Variants in CACNA1H observed in about 807,000 individuals in gnomAD.
CACNA1H encodes calcium voltage-gated channel subunit alpha1 H, also known as voltage-dependent T-type calcium channel subunit alpha-1H.
A neutral mutation model predicts 192.5 loss-of-function variants in CACNA1H; 149 were observed. The ratio of observed to expected loss-of-function variants is 0.77; its 90% CI spans 0.68 to 0.89. The LOEUF (loss-of-function observed/expected upper bound fraction) is 0.89, where lower values mean the gene tolerates loss of function less well. Ranked by LOEUF, CACNA1H falls within the 40% of genes least tolerant of loss-of-function variation. The pLI, the probability that CACNA1H is intolerant of heterozygous loss-of-function variation, is 0.00. For missense variants in CACNA1H, 4,257 were observed against 3,423.5 expected (o/e 1.24, Z -6.08); for synonymous variants, 2,202 against 1,475.2 (o/e 1.49, Z -11.29).
At position 1,215,609 on chromosome 16, in the gene CACNA1H, G is replaced by A. The variant is rs755895638; in HGVS notation, c.5244+16G>A. ...TCTCCCCCAGGTAGGTGGAGCCCGCGCCATCCTCAGCGCAGGCCCCCGGAA... is the reference window on the plus strand; with the variant it reads ...TCTCCCCCAGGTAGGTGGAGCCCGCACCATCCTCAGCGCAGGCCCCCGGAA... On this transcript the variant is annotated intron_variant, in intron 30 of 34. Transcript: ENST00000348261. 21 of 1,603,876 alleles carry A rather than the reference G, an allele frequency of 1.3e-5. No individual in the cohort carries two copies. The highest frequency in any genetic ancestry group is 2.2e-5 in the East Asian group (1 of 44,534).
rs763914077 is a variant in CACNA1H at position 1,220,510 on chromosome 16, CGGT to C, written c.6581_6583del (p.Val2194del). On this transcript the variant is annotated inframe_deletion, in exon 35 of 35. Transcript: ENST00000348261. The stretch of plus-strand genomic sequence containing the variant: ...AAGAAGATGAGCCCCCCCTGCATCT[CGGT>C]GGAACCCCCTGCGGAGGACGAGGGC... The C allele has an allele frequency of 6.5e-7, 1 of 1,539,940 alleles. No homozygotes were observed. The highest frequency in any genetic ancestry group is 8.7e-7 in the Non-Finnish European group (1 of 1,151,864).
At chr16:1,204,559 A>C in intron 10 of CACNA1H, 101 bp downstream of exon 10, 2 of 912,168 alleles carry the variant, frequency 2.2e-6, no homozygotes, top group East Asian at 2.6e-5. Context: ...ACCTGATGGT[A>C]GGACGGTCAG....
intron 2 of CACNA1H, among the ~76,000 whole-genome samples, chr16:1,193,328 G>T (rs886990122): frequency 3.9e-5 from 6 of 152,264 alleles, no homozygotes; most frequent in African/African-American, 1.4e-4. Flanking sequence ...TCGCTCCCTT[G>T]CACTAGTGCC....
chr16:1,192,203 T>C (rs1175912133), intron 2 of CACNA1H, among the ~76,000 whole-genome samples: 1 of 152,140 alleles, frequency 6.6e-6, no homozygotes, highest in Non-Finnish European at 1.5e-5. Context: ...CCTCCTGGCT[T>C]CCCTCGCTGC....
chr16:1,195,498 C>T lies in CACNA1H; in HGVS notation c.478C>T (p.Leu160=), dbSNP rs746919701. 3.1e-6 allele frequency: 5 copies of T among 1,598,466 alleles called. No homozygotes were observed. The highest frequency in any genetic ancestry group is 3.5e-5 in the Admixed American group (2 of 57,722). Residue 160 remains leucine (L), a synonymous_variant, in exon 4 of 35, where the codon CTG becomes TTG. Transcript: ENST00000348261. ...GGTCATCAAGATGGTGGCCTTGGGG[C>T]TGTTCGGGCAGAAGTGTTACCTGGG... is the stretch of plus-strand genomic sequence containing the variant. ...EMVIKMVALG[L]FGQKCYLGDT... is the part of the protein sequence containing the mutation.
At position 1,206,152 on chromosome 16, in the gene CACNA1H, C is replaced by G; in HGVS notation, c.2652C>G (p.Arg884=). 6.3e-7 allele frequency: 1 copy of G among 1,586,198 alleles called. No individual in the cohort carries two copies. The highest frequency in any genetic ancestry group is 1.3e-5 in the African/African-American group (1 of 74,480). Residue 884 remains arginine (R), a synonymous_variant, in exon 12 of 35, where the codon CGC becomes CGG. Transcript: ENST00000348261. ...GQADGGLSVL[R]TFRLLRVLKL... is the part of the protein sequence containing the mutation. The stretch of plus-strand genomic sequence containing the variant: ...CGGACGGTGGCTTGTCTGTGCTGCG[C>G]ACCTTCCGGCTGCTGCGTGTGCTGA...
At chr16:1,194,838 C>T (rs1001884035) in intron 2 of CACNA1H, 134 bp from the exon 3 acceptor site, 2 of 675,940 alleles carry the variant, frequency 3.0e-6, no homozygotes, top group African/African-American at 1.8e-5. Context: ...GGTCCCGAGT[C>T]CCCCACCCCA....
At position 1,212,209 on chromosome 16, in the gene CACNA1H, C is replaced by T. The variant is rs1359803226; in HGVS notation, c.4759+71C>T. 2.7e-6 allele frequency: 4 copies of T among 1,507,898 alleles called. No individual in the cohort carries two copies. In the African/African-American group the frequency reaches 5.5e-5, roughly 21 times the overall value. 93.4% of individuals were successfully genotyped at this position (1,507,898 alleles called of 1,614,324 possible). ...GTGCCCACCGGGCCCTCCAGCCCCT[C>T]CACTCCCGCCCCGGCCTCCCCGAAT... On this transcript the variant is annotated intron_variant, in intron 25 of 34. Transcript: ENST00000348261.
At chr16:1,164,492 G>C (rs1044591597) in intron 2 of CACNA1H, among the ~76,000 whole-genome samples, 1 of 152,136 alleles carries the variant, frequency 6.6e-6, no homozygotes, top group African/African-American at 2.4e-5. Flanking sequence ...CCACCACGCC[G>C]GGCCTCATAC....
In CACNA1H at chr16:1,208,096, A is replaced by G. The variant is rs776256025; in HGVS notation, c.3238A>G (p.Thr1080Ala). Residue 1080 changes from threonine (T) to alanine (A), a missense_variant, in exon 16 of 35, where the codon ACA (threonine) becomes GCA (alanine). Physicochemically the swap from Thr to Ala is moderately conservative, Grantham distance 58. Coordinates refer to ENST00000348261, the MANE Select transcript of CACNA1H (RefSeq NM_021098.3). Reference sequence around the variant, plus strand: ...CCTGTCCCCTCCCCTCATCATGTGCACAGCTGCCACGCCCATGCCTACCCC... The same window carrying G: ...CCTGTCCCCTCCCCTCATCATGTGCGCAGCTGCCACGCCCATGCCTACCCC... ...GSLSPPLIMC[T>A]AATPMPTPKS... The G allele has an allele frequency of 6.3e-7, 1 of 1,596,932 alleles. No individual in the cohort carries two copies. The highest frequency in any genetic ancestry group is 2.3e-5 in the East Asian group (1 of 43,842).
rs375325893 is a variant in CACNA1H, at chr16:1,204,336, C to T, written c.2329C>T (p.Arg777Cys). The change falls in exon 10 of 35, where the codon CGC becomes TGC. Residue 777 changes from arginine (R) to cysteine (C), a missense_variant. Transcript: ENST00000348261. Reference sequence around the variant, plus strand: ...CCCGGGCGAGCCAGGCTGGATGGGCCGCCTCTGGGTTACCTTCAGCGGCAA... The same window carrying T: ...CCCGGGCGAGCCAGGCTGGATGGGCTGCCTCTGGGTTACCTTCAGCGGCAA... ...AAPGEPGWMG[R>C]LWVTFSGKLR... is the part of the protein sequence containing the mutation. 226 of 1,590,280 alleles carry T rather than the reference C, an allele frequency of 1.4e-4. 2 individuals carry two copies. In the Middle Eastern group the frequency reaches 8.6e-3, roughly 60 times the overall value.
intron 2 of CACNA1H, among the ~76,000 whole-genome samples, chr16:1,163,533 G>C (rs1025726797): frequency 6.6e-6 from 1 of 152,384 alleles, no homozygotes; most frequent in African/African-American, 2.4e-5. Context: ...CTGCCGGGAA[G>C]GTGTGGAGGG....
Position 1,201,553 on chromosome 16 carries a change from A to T in CACNA1H, c.1213-110A>T, listed in dbSNP as rs1005545176. 6 of 1,330,480 alleles carry T rather than the reference A, an allele frequency of 4.5e-6. No individual in the cohort carries two copies. In the South Asian group the frequency reaches 8.9e-5, roughly 20 times the overall value. The allele number at this position is 1,330,480 out of a possible 1,614,324, so 82.4% of individuals were successfully genotyped here. A position where few individuals can be genotyped will look rare whatever the true frequency, so the allele number is the denominator to read the frequency against. ...CTGCCCATAGCAGGGCACCTCGCCC[A>T]CTGTGCCTGTGACGCGGCCCCCACT... On this transcript the variant is annotated intron_variant, in intron 8 of 34. Transcript: ENST00000348261.
intron 10 of CACNA1H, 86 bp downstream of exon 10, chr16:1,204,544 G>A: frequency 1.9e-6 from 2 of 1,073,826 alleles, no homozygotes; most frequent in Non-Finnish European, 2.7e-6. Context: ...CAGCCCCGAT[G>A]CCTGACCTGA....
In CACNA1H at chr16:1,200,391, G is replaced by A. The variant is rs1378123459; in HGVS notation, c.939G>A (p.Met313Ile). The A allele has an allele frequency of 1.2e-6, 2 of 1,606,960 alleles. No individual in the cohort carries two copies. Among genetic ancestry groups the A allele is most frequent in the East Asian group, 4.5e-5 (2 of 44,650 alleles). The change falls in exon 7 of 35, where the codon ATG becomes ATA. Residue 313 changes from methionine to isoleucine, a missense_variant. Met to Ile is a conservative substitution (Grantham distance 10). Transcript: ENST00000348261. ...TCCCCGGCCGCCGCGAGCTGCGCAT[G>A]CCCTGCACCCTGGGCTGGGAGGCCT... ...SHIPGRRELR[M>I]PCTLGWEAYT...
rs1395324612 is a variant in CACNA1H at position 1,215,570 on chromosome 16, A to G, written c.5221A>G (p.Thr1741Ala). The G allele has an allele frequency of 1.9e-6, 3 of 1,611,554 alleles. No individual in the cohort carries two copies. The highest frequency in any genetic ancestry group is 2.5e-6 in the Non-Finnish European group (3 of 1,179,512). ...TACGGGCATGCGCGCCCTGCTGGAC[A>G]CTGTGGTGCAAGCTCTCCCCCAGGT... The part of the protein sequence containing the change: ...MATGMRALLD[T>A]VVQALPQVGN... Residue 1741 changes from threonine (T) to alanine (A), a missense_variant, in exon 30 of 35, where the codon ACT (threonine) becomes GCT (alanine). Thr to Ala is a moderately conservative substitution (Grantham distance 58). Coordinates refer to ENST00000348261, the MANE Select transcript of CACNA1H (RefSeq NM_021098.3).
rs545917540 is a variant in CACNA1H, at chr16:1,205,116, C to G, written c.2454C>G (p.Pro818=). The change falls in exon 11 of 35, where the codon CCC becomes CCG. Residue 818 remains proline, a splice_region_variant and synonymous_variant. Coordinates refer to ENST00000348261, the MANE Select transcript of CACNA1H (RefSeq NM_021098.3). ...ACTGTCCCCACCTCTGCCTGCAGCCCGAGGAGCTGACTAATGCTCTGGAGA... is the reference window on the plus strand; with the variant it reads ...ACTGTCCCCACCTCTGCCTGCAGCCGGAGGAGCTGACTAATGCTCTGGAGA... ...LSMGVEYHEQ[P]EELTNALEIS... is the part of the protein sequence containing the mutation. 16 of 1,610,866 alleles carry G rather than the reference C, an allele frequency of 9.9e-6. No homozygotes were observed. Among genetic ancestry groups the G allele is most frequent in the South Asian group, 2.2e-5 (2 of 90,974 alleles).
intron 2 of CACNA1H, among the ~76,000 whole-genome samples, chr16:1,165,910 G>A (rs1253846437): frequency 6.6e-6 from 1 of 152,124 alleles, no homozygotes; most frequent in Non-Finnish European, 1.5e-5. Context: ...GTGGTGTGTG[G>A]GGCCCGGCCC....
chr16:1,210,978 G>A lies in CACNA1H; in HGVS notation c.4223+7G>A, dbSNP rs1212813321. The A allele has an allele frequency of 6.3e-7, 1 of 1,591,676 alleles. No homozygotes were observed. Among genetic ancestry groups the A allele is most frequent in the Non-Finnish European group, 8.5e-7 (1 of 1,174,310 alleles). ...GGACCCTGCGGCCTCTGAGGTGGGG[G>A]GCTCCCCGTGGGCTCCCGGGGCAAC... is the stretch of plus-strand genomic sequence containing the variant. On this transcript the variant is annotated splice_region_variant and intron_variant, in intron 21 of 34. Transcript: ENST00000348261.
Sources: allele counts gnomAD v4.1 joint callset (sites outside exome capture counted in the v4.1 genomes callset), GRCh38; gene constraint gnomAD v4.1.1; transcripts MANE v1.5; gene names NCBI Gene and HGNC (gene_info 2026-07-23, HGNC 2026-07-21).